Variants in UBR3 observed in about 807,000 individuals in gnomAD.
UBR3 encodes the protein E3 ubiquitin-protein ligase UBR3.
In UBR3, 85 loss-of-function variants were observed where a neutral mutation model predicts 243.2. The observed-to-expected ratio is 0.35, with a 90% CI of 0.29 to 0.42. The LOEUF (loss-of-function observed/expected upper bound fraction) is 0.42, where lower values mean the gene tolerates loss of function less well. Ranked by LOEUF, UBR3 falls within the 10% of genes least tolerant of loss-of-function variation. The pLI is 1.00. For synonymous variants in UBR3, 748 were observed against 799.8 expected, an observed-to-expected ratio of 0.94 and a Z score of 1.09; for missense variants, 1,686 against 2,300.8, an observed-to-expected ratio of 0.73 and a Z score of 5.47.
At chr2:170,011,826 C>A (rs924063862) in intron 29 of UBR3, among the ~76,000 whole-genome samples, 2 of 152,004 alleles carry the variant, frequency 1.3e-5, no homozygotes, top group African/African-American at 4.8e-5. Flanking sequence ...TTTTATTACA[C>A]ATGTCAGTCA....
intron 11 of UBR3, among the ~76,000 whole-genome samples, chr2:169,916,500 C>A (rs1157309704): frequency 1.3e-5 from 2 of 151,972 alleles, no homozygotes; most frequent in African/African-American, 4.8e-5. Context: ...CTCTGACCCC[C>A]ACTTTGGACT....
At chr2:169,895,376 C>A (rs971171153) in intron 7 of UBR3, 65 bp downstream of exon 7, 11 of 1,459,612 alleles carry the variant, frequency 7.5e-6, no homozygotes, top group South Asian at 1.4e-5. Flanking sequence ...ATTATTAAAT[C>A]TTTTTTTGAT....
intron 25 of UBR3, among the ~76,000 whole-genome samples, chr2:169,992,757 A>T (rs1486091255): frequency 2.6e-5 from 4 of 152,090 alleles, no homozygotes; most frequent in Non-Finnish European, 4.4e-5. Context: ...ATTCTTTTTT[A>T]AAAATTTCTT....
chr2:169,886,119 T>C (rs1040097651), intron 5 of UBR3, among the ~76,000 whole-genome samples: 1 of 147,932 alleles, frequency 6.8e-6, no homozygotes, highest in Non-Finnish European at 1.5e-5. Context: ...ATCGCGCCAC[T>C]GCACCCCAGC....
intron 24 of UBR3, among the ~76,000 whole-genome samples, chr2:169,975,622 T>C (rs904082051): frequency 2.0e-5 from 3 of 152,176 alleles, no homozygotes; most frequent in Admixed American, 6.6e-5. Flanking sequence ...ATTTGGGTGC[T>C]CTGGCATTGA....
At chr2:169,861,500 G>A (rs1472632561) in intron 1 of UBR3, among the ~76,000 whole-genome samples, 2 of 151,628 alleles carry the variant, frequency 1.3e-5, no homozygotes, top group Non-Finnish European at 2.9e-5. Flanking sequence ...CTGGCTACTC[G>A]GGAGCCTGAG....
intron 1 of UBR3, among the ~76,000 whole-genome samples, chr2:169,844,890 C>T (rs1288134768): frequency 1.3e-5 from 2 of 151,986 alleles, no homozygotes; most frequent in Non-Finnish European, 2.9e-5. Flanking sequence ...GATATCTGCT[C>T]TTTATTATTT....
chr2:169,946,012 A>G (rs1423002400), intron 20 of UBR3, among the ~76,000 whole-genome samples: 1 of 152,010 alleles, frequency 6.6e-6, no homozygotes, highest in Non-Finnish European at 1.5e-5. Flanking sequence ...GGATTATCCT[A>G]TTTGGTAAAC....
chr2:169,948,431 C>T (rs1446372525), intron 22 of UBR3, among the ~76,000 whole-genome samples: 3 of 151,896 alleles, frequency 2.0e-5, no homozygotes, highest in South Asian at 2.1e-4. Context: ...TGAAAATCAG[C>T]GCTCTCATTG....
chr2:169,886,429 A>AT (rs1266849185), intron 5 of UBR3, among the ~76,000 whole-genome samples: 1 of 152,196 alleles, frequency 6.6e-6, no homozygotes, highest in Non-Finnish European at 1.5e-5. Context: ...AGCTCTAATT[A>AT]TTAAATTCTT....
chr2:169,968,559 T>C (rs1255841911), intron 24 of UBR3, among the ~76,000 whole-genome samples: 3 of 152,124 alleles, frequency 2.0e-5, no homozygotes, highest in African/African-American at 7.2e-5. Flanking sequence ...AATGTTCCAT[T>C]CTATACACAC....
At chr2:170,067,981 G>T (rs1335157939) in intron 35 of UBR3, among the ~76,000 whole-genome samples, 2 of 151,722 alleles carry the variant, frequency 1.3e-5, no homozygotes, top group Non-Finnish European at 2.9e-5. Flanking sequence ...CGTTGGGCAG[G>T]ATGGTCTTGA....
At chr2:170,023,793 G>A (rs958574702) in intron 30 of UBR3, among the ~76,000 whole-genome samples, 5 of 151,786 alleles carry the variant, frequency 3.3e-5, no homozygotes, top group Admixed American at 6.6e-5. Context: ...GGGTTTCACC[G>A]TCTTGAACTC....
intron 1 of UBR3, among the ~76,000 whole-genome samples, chr2:169,838,367 G>A (rs1039508036): frequency 3.3e-5 from 5 of 149,672 alleles, no homozygotes; most frequent in Admixed American, 6.7e-5. Flanking sequence ...TGGAAGCTGG[G>A]AAGTCCAAGA....
intron 24 of UBR3, among the ~76,000 whole-genome samples, chr2:169,982,259 A>G (rs2088771043): frequency 6.6e-6 from 1 of 152,104 alleles, no homozygotes; most frequent in South Asian, 2.1e-4. Flanking sequence ...CATCATCCCT[A>G]TATCATTTCC....
intron 1 of UBR3, among the ~76,000 whole-genome samples, chr2:169,845,446 A>AT (rs1392140795): frequency 9.5e-4 from 130 of 136,660 alleles, no homozygotes; most frequent in Non-Finnish European, 1.7e-3. Context: ...AGAAATTTTG[A>AT]GTTTTTTTTT....
Position 169,836,065 on chromosome 2 carries a change from ATATT to A in UBR3, c.545+8015_545+8018del, listed in dbSNP as rs2082099987. Among the ~76,000 whole-genome samples, 31 of 27,936 alleles carry A rather than the reference ATATT, an allele frequency of 1.1e-3. 1 individual carries two copies. The highest frequency in any genetic ancestry group is 3.1e-3 in the African/African-American group (27 of 8,766). 18.3% of individuals were successfully genotyped at this position (27,936 alleles called of 152,430 possible). On this transcript the variant is annotated intron_variant, in intron 1 of 38. Coordinates refer to ENST00000272793, the MANE Select transcript of UBR3 (RefSeq NM_172070.4). ...TCTCTATATATATATATATATATAT[ATATT>A]TTTTTTTTTTTTTTTTTTTTTTTTG...
intron 1 of UBR3, among the ~76,000 whole-genome samples, chr2:169,856,344 C>G (rs2082861373): frequency 6.7e-6 from 1 of 149,780 alleles, no homozygotes; most frequent in Non-Finnish European, 1.5e-5. Flanking sequence ...TCCTCACTTC[C>G]CAGACTGGGC....
chr2:169,851,432 G>T (rs945560469), intron 1 of UBR3, among the ~76,000 whole-genome samples: 2 of 152,174 alleles, frequency 1.3e-5, no homozygotes, highest in African/African-American at 4.8e-5. Flanking sequence ...GATTATAGGC[G>T]TGAGCCATCT....
Sources: allele counts gnomAD v4.1 joint callset (sites outside exome capture counted in the v4.1 genomes callset), GRCh38; gene constraint gnomAD v4.1.1; transcripts MANE v1.5; gene names NCBI Gene and HGNC (gene_info 2026-07-23, HGNC 2026-07-21).